The following PLCL1 variants were observed in gnomAD, a reference collection of about 807,000 sequenced individuals.
PLCL1 encodes phospholipase C like 1 (inactive), also known as inactive phospholipase C-like protein 1.
In PLCL1, 41 loss-of-function variants were observed where a neutral mutation model predicts 84.4. The observed-to-expected ratio is 0.49, with a 90% CI of 0.38 to 0.63. PLCL1 has a LOEUF of 0.63. Ranked by LOEUF, PLCL1 falls within the 30% of genes least tolerant of loss-of-function variation. The pLI is 0.00. For missense variants in PLCL1, 1,206 were observed against 1,367.8 expected, an observed-to-expected ratio of 0.88 and a Z score of 1.87; for synonymous variants, 490 against 488.3, an observed-to-expected ratio of 1.00 and a Z score of -0.05.
At chr2:197,925,733 A>ACTCCCTCC (rs368540941) in intron 1 of PLCL1, among the ~76,000 whole-genome samples, 1 of 149,360 alleles carries the variant, frequency 6.7e-6, no homozygotes, top group African/African-American at 2.5e-5. Flanking sequence ...ACTCACTAAC[A>ACTCCCTCC]CTCCCTCCCT....
At position 197,834,078 on chromosome 2, in the gene PLCL1, T is replaced by C. The variant is rs1040808818; in HGVS notation, c.240+28739T>C. 4.6e-5 allele frequency among the ~76,000 whole-genome samples: 7 copies of C among 152,184 alleles called. No individual in the cohort carries two copies. The South Asian group carries it at 1.4e-3, about 32-fold the overall frequency. On this transcript the variant is annotated intron_variant, in intron 1 of 5. Transcript: ENST00000428675. ...CAAGCAGTGGGGTAAGATTCCCTAT[T>C]TAATAAATGGTGTTGGGAAAACTGG...
intron 1 of PLCL1, among the ~76,000 whole-genome samples, chr2:197,833,608 T>A (rs974635141): frequency 6.6e-6 from 1 of 152,008 alleles, no homozygotes; most frequent in Admixed American, 6.5e-5. Flanking sequence ...TACACAGGAA[T>A]ACAACTTACA....
At chr2:198,140,124 G>C (rs555165650) in intron 5 of PLCL1, among the ~76,000 whole-genome samples, 1 of 152,022 alleles carries the variant, frequency 6.6e-6, no homozygotes, top group Non-Finnish European at 1.5e-5. Context: ...AGTAGAGACG[G>C]AGTTTCACCA....
intron 1 of PLCL1, among the ~76,000 whole-genome samples, chr2:197,870,276 A>G (rs1041443176): frequency 6.6e-6 from 1 of 152,104 alleles, no homozygotes; most frequent in Non-Finnish European, 1.5e-5. Flanking sequence ...ACTACCTTCA[A>G]TCTATTTGAT....
chr2:198,148,704 A>G lies in PLCL1; in HGVS notation c.*1742A>G, dbSNP rs1300247157. On this transcript the variant is annotated 3_prime_UTR_variant, in exon 6 of 6. Coordinates refer to ENST00000428675, the MANE Select transcript of PLCL1 (RefSeq NM_006226.4). ...TTGTGGTGAAAAAGAGGTTCTATAG[A>G]CAGAAACAAAACCCACCTTACATCA... The G allele has an allele frequency of 6.6e-6, 1 of 152,326 alleles. No individual in the cohort carries two copies. Among genetic ancestry groups the G allele is most frequent in the Non-Finnish European group, 1.5e-5 (1 of 68,036 alleles). The allele number at this position is 152,326 out of a possible 1,614,324, so 9.4% of individuals were successfully genotyped here. A position where few individuals can be genotyped will look rare whatever the true frequency, so the allele number is the denominator to read the frequency against.
At chr2:197,964,161 G>A (rs1201283531) in intron 1 of PLCL1, among the ~76,000 whole-genome samples, 1 of 151,982 alleles carries the variant, frequency 6.6e-6, no homozygotes, top group Non-Finnish European at 1.5e-5. Flanking sequence ...TGATAGAGAT[G>A]GCATTGAATC....
At chr2:197,955,431 TA>T (rs34953848) in intron 1 of PLCL1, among the ~76,000 whole-genome samples, 1,902 of 143,278 alleles carry the variant, frequency 0.013, 27 homozygotes, top group African/African-American at 0.033. Flanking sequence ...TTATTTCTTC[TA>T]AAAAAAAAAA....
rs1223736513 is a variant in PLCL1, at chr2:197,866,036, A to ATAT, written c.240+60697_240+60698insTAT. Among the ~76,000 whole-genome samples, 74 of 28,238 alleles carry ATAT rather than the reference A, an allele frequency of 2.6e-3. 12 individuals carry two copies. The highest frequency in any genetic ancestry group is 8.0e-3 in the African/African-American group (21 of 2,640). 18.5% of individuals were successfully genotyped at this position (28,238 alleles called of 152,430 possible). A position where few individuals can be genotyped will look rare whatever the true frequency, so the allele number is the denominator to read the frequency against. On this transcript the variant is annotated intron_variant, in intron 1 of 5. Coordinates refer to ENST00000428675, the MANE Select transcript of PLCL1 (RefSeq NM_006226.4). Reference sequence around the variant, plus strand: ...AAAAAAAAAAAAAAAAAAAAAAAAAAATATATATATATATATACACACACA... The same window carrying ATAT: ...AAAAAAAAAAAAAAAAAAAAAAAAAATATATATATATATATATATACACACACA...
At chr2:198,017,959 C>T (rs1691036883) in intron 1 of PLCL1, among the ~76,000 whole-genome samples, 1 of 152,154 alleles carries the variant, frequency 6.6e-6, no homozygotes, top group Non-Finnish European at 1.5e-5. Flanking sequence ...TGAATAGGAA[C>T]AGCTCTGGTC....
chr2:197,856,374 G>A (rs1323361346), intron 1 of PLCL1, among the ~76,000 whole-genome samples: 2 of 152,062 alleles, frequency 1.3e-5, no homozygotes, highest in African/African-American at 2.4e-5. Context: ...TAGCATTATA[G>A]GATCTTAGAT....
intron 5 of PLCL1, among the ~76,000 whole-genome samples, chr2:198,139,371 G>A (rs931861832): frequency 6.6e-6 from 1 of 152,030 alleles, no homozygotes; most frequent in Non-Finnish European, 1.5e-5. Flanking sequence ...ACTAGTGTCT[G>A]TCTCTACATT....
At chr2:198,049,081 G>A (rs1006096107) in intron 1 of PLCL1, among the ~76,000 whole-genome samples, 29 of 152,290 alleles carry the variant, frequency 1.9e-4, no homozygotes, top group African/African-American at 5.5e-4. Flanking sequence ...CTGTGATTCC[G>A]TTACATTATG....
At chr2:197,992,106 C>A (rs936441073) in intron 1 of PLCL1, among the ~76,000 whole-genome samples, 1 of 151,668 alleles carries the variant, frequency 6.6e-6, no homozygotes, top group African/African-American at 2.4e-5. Flanking sequence ...GGTACATGTG[C>A]ACAATGTGCA....
intron 1 of PLCL1, among the ~76,000 whole-genome samples, chr2:197,947,378 C>T (rs1224679306): frequency 6.6e-6 from 1 of 151,866 alleles, no homozygotes; most frequent in African/African-American, 2.4e-5. Context: ...GTTTCTAATT[C>T]AGTAGGGGCC....
rs182256174 is a variant in PLCL1 at position 197,957,936 on chromosome 2, G to A, written c.241-125822G>A. Among the ~76,000 whole-genome samples, 9 of 152,026 alleles carry A rather than the reference G, an allele frequency of 5.9e-5. No individual in the cohort carries two copies. In the East Asian group the frequency reaches 1.2e-3, roughly 20 times the overall value. ...TTAAGTTGTCCTGAAGCAGATCCAC[G>A]TTATTAATAGACTAATTTTAATCTT... On this transcript the variant is annotated intron_variant, in intron 1 of 5. Coordinates refer to ENST00000428675, the MANE Select transcript of PLCL1 (RefSeq NM_006226.4).
At chr2:197,997,546 G>C (rs1690495993) in intron 1 of PLCL1, among the ~76,000 whole-genome samples, 1 of 152,206 alleles carries the variant, frequency 6.6e-6, no homozygotes, top group South Asian at 2.1e-4. Flanking sequence ...CACACCCAAA[G>C]AGGCCTTTTC....
intron 1 of PLCL1, among the ~76,000 whole-genome samples, chr2:198,055,448 A>G (rs1334077609): frequency 6.6e-6 from 1 of 151,166 alleles, no homozygotes; most frequent in Non-Finnish European, 1.5e-5. Flanking sequence ...GATAGTCTCC[A>G]GATAACTGAA....
At chr2:197,943,387 C>T (rs1689201483) in intron 1 of PLCL1, among the ~76,000 whole-genome samples, 1 of 152,046 alleles carries the variant, frequency 6.6e-6, no homozygotes, top group Non-Finnish European at 1.5e-5. Context: ...TTTCTTCACT[C>T]TCTTCTCCCA....
intron 1 of PLCL1, among the ~76,000 whole-genome samples, chr2:197,839,734 A>G (rs1200385779): frequency 1.3e-5 from 2 of 152,244 alleles, no homozygotes; most frequent in African/African-American, 2.4e-5. Flanking sequence ...TTCATATTTC[A>G]TATCTCCAGA....
Sources: allele counts gnomAD v4.1 joint callset (sites outside exome capture counted in the v4.1 genomes callset), GRCh38; gene constraint gnomAD v4.1.1; transcripts MANE v1.5; gene names NCBI Gene and HGNC (gene_info 2026-07-23, HGNC 2026-07-21).